Variants in SYTL2 observed in about 807,000 individuals in gnomAD.
SYTL2 encodes the protein synaptotagmin-like protein 2.
A neutral mutation model predicts 198.7 loss-of-function variants in SYTL2; 165 were observed. The ratio of observed to expected loss-of-function variants is 0.83; its 90% CI spans 0.73 to 0.94. SYTL2 has a LOEUF of 0.94. SYTL2 is among the 40% of genes least tolerant of loss of function. SYTL2 has a pLI of 0.00. For synonymous variants in SYTL2, 966 were observed against 917.7 expected, an observed-to-expected ratio of 1.05 and a Z score of -0.95; for missense variants, 2,835 against 2,582.8, an observed-to-expected ratio of 1.10 and a Z score of -2.12.
chr11:85,714,651 G>A, intron 11 of SYTL2, 144 bp from the exon 12 acceptor site: 1 of 1,396,316 alleles, frequency 7.2e-7, no homozygotes, highest in Admixed American at 2.8e-5. Flanking sequence ...CACATGCACA[G>A]GATCATGAGA....
At chr11:85,800,950 C>T (rs750025094) in intron 1 of SYTL2, among the ~76,000 whole-genome samples, 46 of 152,228 alleles carry the variant, frequency 3.0e-4, no homozygotes, top group Admixed American at 9.2e-4. Flanking sequence ...CAGGTAATGT[C>T]GGGTTTTCCC....
intron 1 of SYTL2, among the ~76,000 whole-genome samples, chr11:85,777,812 CTTT>C (rs57873368): frequency 5.8e-3 from 367 of 63,306 alleles, no homozygotes; most frequent in Non-Finnish European, 6.0e-3. Flanking sequence ...GGTCTTACTT[CTTT>C]TTTTTTTTTT....
chr11:85,782,684 C>T (rs2092580326), intron 1 of SYTL2, among the ~76,000 whole-genome samples: 1 of 152,198 alleles, frequency 6.6e-6, no homozygotes, highest in Non-Finnish European at 1.5e-5. Flanking sequence ...ATCTTGAACA[C>T]TTTACCGCTT....
At chr11:85,839,392 C>T in the SYTL2 span, among the ~76,000 whole-genome samples, 1 of 152,148 alleles carries the variant, frequency 6.6e-6, no homozygotes, top group Admixed American at 6.5e-5. Flanking sequence ...ATCCCCACCT[C>T]CCAGCAGCAC....
intron 19 of SYTL2, 86 bp downstream of exon 19, chr11:85,696,097 C>A (rs1462897042): frequency 2.7e-6 from 3 of 1,096,872 alleles, no homozygotes; most frequent in East Asian, 4.7e-5. Flanking sequence ...TCGGTTTTCA[C>A]TGGGAAGAAG....
chr11:85,698,441 C>T (rs1182605785), intron 17 of SYTL2, among the ~76,000 whole-genome samples: 2 of 152,126 alleles, frequency 1.3e-5, no homozygotes, highest in Admixed American at 1.3e-4. Context: ...AACATTAATA[C>T]CAGTATCAGT....
chr11:85,834,735 A>G, the SYTL2 span, among the ~76,000 whole-genome samples: 7 of 151,132 alleles, frequency 4.6e-5, no homozygotes, highest in Non-Finnish European at 8.8e-5. Flanking sequence ...ATGTTCAGAA[A>G]AGCATATTAA....
chr11:85,794,150 A>G (rs2092770340), intron 1 of SYTL2, among the ~76,000 whole-genome samples: 1 of 152,048 alleles, frequency 6.6e-6, no homozygotes. Context: ...GATTACAGGC[A>G]TAAGCCACCT....
chr11:85,713,517 C>A (rs996544637), intron 12 of SYTL2, among the ~76,000 whole-genome samples: 23 of 152,136 alleles, frequency 1.5e-4, no homozygotes, highest in African/African-American at 5.6e-4. Flanking sequence ...GGATATCTGG[C>A]TCCAAAGCTT....
At chr11:85,821,046 T>C in the SYTL2 span, among the ~76,000 whole-genome samples, 5 of 152,240 alleles carry the variant, frequency 3.3e-5, no homozygotes, top group African/African-American at 1.2e-4. Flanking sequence ...TCATGAAGTG[T>C]ACTTTCTAGT....
intron 1 of SYTL2, among the ~76,000 whole-genome samples, chr11:85,799,753 C>T (rs531787922): frequency 1.7e-4 from 26 of 152,302 alleles, no homozygotes; most frequent in African/African-American, 5.8e-4. Context: ...TACCACCCCA[C>T]CTCCTTCCTC....
chr11:85,838,592 G>T, the SYTL2 span, among the ~76,000 whole-genome samples: 1 of 152,106 alleles, frequency 6.6e-6, no homozygotes, highest in Non-Finnish European at 1.5e-5. Flanking sequence ...GGTGAAAGCA[G>T]GAACAAGTGC....
chr11:85,770,253 C>A (rs1228638619), intron 1 of SYTL2, among the ~76,000 whole-genome samples: 1 of 152,136 alleles, frequency 6.6e-6, no homozygotes, highest in Non-Finnish European at 1.5e-5. Context: ...GGATGCTTTC[C>A]TCTCCTCATC....
At chr11:85,804,595 A>G (rs1157622268) in intron 1 of SYTL2, among the ~76,000 whole-genome samples, 1 of 152,206 alleles carries the variant, frequency 6.6e-6, no homozygotes, top group Non-Finnish European at 1.5e-5. Context: ...ATGTAGGTAT[A>G]GTGCTTGGAA....
intron 15 of SYTL2, 68 bp downstream of exon 15, chr11:85,707,361 C>T (rs781538067): frequency 8.7e-6 from 9 of 1,031,468 alleles, no homozygotes; most frequent in Non-Finnish European, 1.2e-5. Context: ...TGTAGAGCTA[C>T]TACCCAAAGA....
At chr11:85,736,662 G>T in intron 5 of SYTL2, 47 bp from the exon 6 acceptor site, 1 of 1,021,072 alleles carries the variant, frequency 9.8e-7, no homozygotes, top group Non-Finnish European at 1.5e-6. Context: ...TGTCATGACA[G>T]CAACTCAGTG....
rs1300175466 is a variant in SYTL2 at position 85,726,472 on chromosome 11, C to A, written c.2886G>T (p.Met962Ile). ...GTTCATCCATTCTTTCTTTTAGGGA[C>A]ATAACTTTAAAGTTGGCATTTGATT... ...VRESNANFKV[M>I]SLKERMDEPN... Residue 962 changes from methionine to isoleucine, a missense_variant, in exon 8 of 20, where the codon ATG becomes ATT. By Grantham distance (10) the Met-to-Ile change is conservative. This residue lies in a region of SYTL2 where 2,645 missense variants were observed against 2,381.7 expected (regional missense o/e 1.11). Coordinates refer to ENST00000359152, the MANE Select transcript of SYTL2 (RefSeq NM_206927.4). 6.2e-7 allele frequency: 1 copy of A among 1,612,012 alleles called. No homozygotes were observed. Among genetic ancestry groups the A allele is most frequent in the African/African-American group, 1.3e-5 (1 of 75,034 alleles).
At chr11:85,781,690 C>T (rs2092562451) in intron 1 of SYTL2, among the ~76,000 whole-genome samples, 1 of 152,168 alleles carries the variant, frequency 6.6e-6, no homozygotes, top group Non-Finnish European at 1.5e-5. Context: ...GAAAAGTTGG[C>T]AGAAATGAAG....
chr11:85,774,037 C>T lies in SYTL2; in HGVS notation c.-389-15923G>A, dbSNP rs556855529. ...CACTAAACTTTCTGAAAATCTCAAGCCCTGGAAATTCAGATGAAAGCCAGC... is the reference window on the plus strand; with the variant it reads ...CACTAAACTTTCTGAAAATCTCAAGTCCTGGAAATTCAGATGAAAGCCAGC... On this transcript the variant is annotated intron_variant, in intron 1 of 19. Coordinates refer to ENST00000359152, the MANE Select transcript of SYTL2 (RefSeq NM_206927.4). Among the ~76,000 whole-genome samples the T allele has an allele frequency of 1.8e-4, 27 of 151,900 alleles. No homozygotes were observed. The East Asian group carries it at 4.8e-3, about 27-fold the overall frequency.
Sources: allele counts gnomAD v4.1 joint callset (sites outside exome capture counted in the v4.1 genomes callset), GRCh38; gene constraint gnomAD v4.1.1; regional missense constraint gnomAD v4.1.1; transcripts MANE v1.5; gene names NCBI Gene and HGNC (gene_info 2026-07-23, HGNC 2026-07-21).